The following RBFOX1 variants were observed in gnomAD, a reference collection of about 807,000 sequenced individuals.
RBFOX1 encodes RNA binding fox-1 homolog 1, also known as RNA binding protein fox-1 homolog 1.
RBFOX1 carries 8 observed loss-of-function variants against 57.7 expected under a neutral mutation model. The ratio of observed to expected loss-of-function variants is 0.14; its 90% CI spans 0.08 to 0.25. The LOEUF (loss-of-function observed/expected upper bound fraction) is 0.25. RBFOX1 is among the 10% of genes least tolerant of loss of function. The pLI is 1.00. For synonymous variants in RBFOX1, 326 were observed against 222.4 expected, an observed-to-expected ratio of 1.47 and a Z score of -4.15; for missense variants, 611 against 548.5, an observed-to-expected ratio of 1.11 and a Z score of -1.14.
chr16:6,394,938 G>C (rs756153485), intron 2 of RBFOX1, among the ~76,000 whole-genome samples: 5 of 152,166 alleles, frequency 3.3e-5, no homozygotes, highest in Non-Finnish European at 7.3e-5. Flanking sequence ...TTTTGCTCTT[G>C]TTACATTTGG....
Position 7,362,311 on chromosome 16 carries a change from T to C in RBFOX1, c.28-155836T>C, listed in dbSNP as rs1457908799. On this transcript the variant is annotated intron_variant, in intron 4 of 15. Transcript: ENST00000550418. ...TGTGTATGTTTTTCGTGTGTTTGCG[T>C]GTGTGTGTGTATGTTTTGTGTGTAT... 2.0e-5 allele frequency among the ~76,000 whole-genome samples: 3 copies of C among 150,608 alleles called. No individual in the cohort carries two copies. The East Asian group carries it at 5.8e-4, about 29-fold the overall frequency.
At chr16:7,492,116 A>G (rs1306929581) in intron 4 of RBFOX1, among the ~76,000 whole-genome samples, 1 of 152,162 alleles carries the variant, frequency 6.6e-6, no homozygotes, top group African/African-American at 2.4e-5. Flanking sequence ...GTGGAAAAAG[A>G]CTCTGCAATA....
At chr16:5,436,940 A>G (rs1431060272) in intron 1 of RBFOX1, among the ~76,000 whole-genome samples, 1 of 152,030 alleles carries the variant, frequency 6.6e-6, no homozygotes, top group African/African-American at 2.4e-5. Context: ...CTTTTCCCCC[A>G]TAGAGAGAGG....
chr16:5,451,692 C>G (rs1194713415), intron 1 of RBFOX1, among the ~76,000 whole-genome samples: 1 of 152,222 alleles, frequency 6.6e-6, no homozygotes, highest in Non-Finnish European at 1.5e-5. Context: ...GACATCGTCC[C>G]TGGTTTTAAT....
At chr16:6,552,854 C>G (rs1256379559) in intron 2 of RBFOX1, among the ~76,000 whole-genome samples, 1 of 151,726 alleles carries the variant, frequency 6.6e-6, no homozygotes, top group Non-Finnish European at 1.5e-5. Flanking sequence ...TAGAGTATGT[C>G]TGGCAGTATA....
chr16:6,255,202 C>G (rs923240819), intron 1 of RBFOX1, among the ~76,000 whole-genome samples: 1 of 152,080 alleles, frequency 6.6e-6, no homozygotes. Context: ...TTTAATCACC[C>G]CATTTGCTTT....
At chr16:6,377,297 G>GA (rs934205028) in intron 2 of RBFOX1, among the ~76,000 whole-genome samples, 32 of 145,474 alleles carry the variant, frequency 2.2e-4, no homozygotes, top group Admixed American at 1.6e-3. Context: ...AAAAGAAAAA[G>GA]AAAAAAAAAG....
chr16:7,422,664 A>T (rs2098553694), intron 4 of RBFOX1: 2 of 152,158 alleles, frequency 1.3e-5, no homozygotes, highest in Admixed American at 1.3e-4. Context: ...TCTGCACCTT[A>T]AGGCATGGGG....
At chr16:6,846,684 A>G (rs185998332) in intron 3 of RBFOX1, among the ~76,000 whole-genome samples, 2 of 152,314 alleles carry the variant, frequency 1.3e-5, no homozygotes, top group East Asian at 3.9e-4. Flanking sequence ...AATTTCATGA[A>G]TGGTAACGTT....
chr16:5,517,093 G>A (rs2043820362), intron 2 of RBFOX1, among the ~76,000 whole-genome samples: 1 of 151,932 alleles, frequency 6.6e-6, no homozygotes, highest in Admixed American at 6.6e-5. Flanking sequence ...ACCTCCAGTG[G>A]TTGGAGGCCT....
rs531828747 is a variant in RBFOX1, at chr16:6,618,068, T to C, written c.-63-36535T>C. Among the ~76,000 whole-genome samples, 73 of 152,310 alleles carry C rather than the reference T, an allele frequency of 4.8e-4. 1 individual carries two copies. The highest frequency in any genetic ancestry group is 1.6e-3 in the African/African-American group (67 of 41,564). ...GCTCAAATGCAGCAATCCTTGTGTT[T>C]GTTTCTGCTGCTCTAGGCGGGAATC... On this transcript the variant is annotated intron_variant, in intron 2 of 15. Coordinates refer to ENST00000550418, the MANE Select transcript of RBFOX1 (RefSeq NM_018723.4).
intron 4 of RBFOX1, among the ~76,000 whole-genome samples, chr16:7,140,150 T>TCTC (rs2073283489): frequency 1.9e-5 from 1 of 52,584 alleles, no homozygotes; most frequent in African/African-American, 8.4e-5. Flanking sequence ...TATTCTCTCC[T>TCTC]TCTCTCCCTC....
At chr16:6,439,716 G>A (rs2094327186) in intron 2 of RBFOX1, among the ~76,000 whole-genome samples, 1 of 152,122 alleles carries the variant, frequency 6.6e-6, no homozygotes, top group African/African-American at 2.4e-5. Context: ...TTCTAGAGGG[G>A]TAGACATATT....
chr16:6,322,410 C>T (rs1306975945), intron 2 of RBFOX1, among the ~76,000 whole-genome samples: 2 of 152,178 alleles, frequency 1.3e-5, no homozygotes, highest in African/African-American at 4.8e-5. Context: ...TTTCCCAGCT[C>T]CAAGCACTTG....
chr16:6,519,106 C>G (rs149962907), intron 2 of RBFOX1, among the ~76,000 whole-genome samples: 8 of 151,806 alleles, frequency 5.3e-5, no homozygotes, highest in African/African-American at 1.9e-4. Context: ...TGGAAAGGCA[C>G]AAAGTGGAAA....
chr16:7,500,611 C>G (rs1335191029), intron 4 of RBFOX1, among the ~76,000 whole-genome samples: 1 of 152,134 alleles, frequency 6.6e-6, no homozygotes, highest in Non-Finnish European at 1.5e-5. Flanking sequence ...CTCTAGGGTT[C>G]ATATCACTAG....
rs941944378 is a variant in RBFOX1, at chr16:6,603,534, G to A, written c.-63-51069G>A. On this transcript the variant is annotated intron_variant, in intron 2 of 15. Transcript: ENST00000550418. The stretch of plus-strand genomic sequence containing the variant: ...TGATTCGGAGAGCTTTAGAAAACAT[G>A]CATGCCTTAGCCCCACTCCACACTC... 2.0e-5 allele frequency among the ~76,000 whole-genome samples: 3 copies of A among 152,152 alleles called. No homozygotes were observed. In the East Asian group the frequency reaches 5.8e-4, roughly 29 times the overall value.
chr16:5,437,059 CA>C (rs2067940061), intron 1 of RBFOX1, among the ~76,000 whole-genome samples: 1 of 152,136 alleles, frequency 6.6e-6, no homozygotes, highest in African/African-American at 2.4e-5. Context: ...GGTTAATCCT[CA>C]TATCTAGAGT....
At position 5,663,013 on chromosome 16, in the gene RBFOX1, C is replaced by T. The variant is rs7187866; in HGVS notation, c.318+64052C>T. Reference sequence around the variant, plus strand: ...TGGGCAGGAGAGCAATTTTGCCTCCCAGAGGGCAGTTGGCAATGTCTGGAG... The same window carrying T: ...TGGGCAGGAGAGCAATTTTGCCTCCTAGAGGGCAGTTGGCAATGTCTGGAG... On this transcript the variant is annotated intron_variant, in intron 3 of 19. Transcript: ENST00000641259. Among the ~76,000 whole-genome samples, 656 of 152,212 alleles carry T rather than the reference C, an allele frequency of 4.3e-3. 6 individuals carry two copies. The highest frequency in any genetic ancestry group is 0.014 in the African/African-American group (599 of 41,510).
Sources: allele counts gnomAD v4.1 joint callset (sites outside exome capture counted in the v4.1 genomes callset), GRCh38; gene constraint gnomAD v4.1.1; transcripts MANE v1.5; gene names NCBI Gene and HGNC (gene_info 2026-07-23, HGNC 2026-07-21).